RETREG3: variants seen among roughly 807,000 people sequenced by gnomAD.
The protein encoded by RETREG3 is reticulophagy regulator family member 3.
RETREG3 carries 23 observed loss-of-function variants against 50.2 expected under a neutral mutation model. The observed-to-expected ratio is 0.46, with a 90% confidence interval of 0.33 to 0.65. RETREG3 has a LOEUF of 0.65. Among genes scored for constraint, RETREG3 ranks in the 30% least tolerant of loss-of-function variants. The pLI is 0.02. For missense variants in RETREG3, 546 were observed against 598.0 expected (o/e 0.91, Z 0.91); for synonymous variants, 240 against 234.4 (o/e 1.02, Z -0.22).
chr17:42,585,036 T>C (rs1412026268), intron 6 of RETREG3, 89 bp downstream of exon 6: 10 of 1,508,458 alleles, frequency 6.6e-6, no homozygotes, highest in Non-Finnish European at 8.1e-6. Context: ...ACTTCCACTT[T>C]TGAGGACCCA....
chr17:42,597,494 A>ATT (rs1567925183), intron 1 of RETREG3, among the ~76,000 whole-genome samples: 3 of 86,270 alleles, frequency 3.5e-5, no homozygotes, highest in African/African-American at 1.6e-4. Context: ...GCCAGAATCT[A>ATT]TTTTGTGTGT....
In RETREG3 at chr17:42,582,038, G is replaced by A; in HGVS notation, c.1176C>T (p.Asn392=). The change falls in exon 9 of 9, where the codon AAC becomes AAT. Residue 392 remains asparagine (N), a synonymous_variant. Transcript: ENST00000309428. ...CCAGGCTGGCAAGGTTGCTGGTGAG[G>A]TTGGATCCTACAGGAAGAGCACCAA... is the stretch of plus-strand genomic sequence containing the variant. ...LLLGALPVGS[N]LTSNLASLVS... is the part of the protein sequence containing the mutation. 5 of 1,614,144 alleles carry A rather than the reference G, an allele frequency of 3.1e-6. No individual in the cohort carries two copies. Among genetic ancestry groups the A allele is most frequent in the Non-Finnish European group, 4.2e-6 (5 of 1,180,030 alleles).
At position 42,607,445 on chromosome 17, in the gene RETREG3, A is replaced by C. The variant is rs2093169799; in HGVS notation, c.239+1641T>G. On this transcript the variant is annotated intron_variant, in intron 1 of 8. Coordinates refer to ENST00000309428, the MANE Select transcript of RETREG3 (RefSeq NM_178126.4). ...AGCCCAGGAAGTGGAAGTTGCAATGAGCCGAGATCATACCACTGCACTCCA... is the reference window on the plus strand; with the variant it reads ...AGCCCAGGAAGTGGAAGTTGCAATGCGCCGAGATCATACCACTGCACTCCA... Among the ~76,000 whole-genome samples, 4 of 142,136 alleles carry C rather than the reference A, an allele frequency of 2.8e-5. No homozygotes were observed. In the South Asian group the frequency reaches 9.8e-4, roughly 35 times the overall value. The allele number at this position is 142,136 out of a possible 152,430, so 93.2% of individuals were successfully genotyped here.
intron 1 of RETREG3, among the ~76,000 whole-genome samples, chr17:42,604,694 CAAAAAAAAAAAA>C (rs1007735904): frequency 2.2e-5 from 1 of 44,518 alleles, no homozygotes; most frequent in African/African-American, 8.4e-5. Context: ...GATTCCCCAG[CAAAAAAAAAAAA>C]AAAAAAAAAA....
At chr17:42,597,639 T>TGAGACAGAG (rs2093150062) in intron 1 of RETREG3, among the ~76,000 whole-genome samples, 1 of 57,552 alleles carries the variant, frequency 1.7e-5, no homozygotes, top group Non-Finnish European at 3.5e-5. Flanking sequence ...TTTTTTTTTT[T>TGAGACAGAG]TTTTTTTTGA....
At chr17:42,599,904 T>C (rs1018059111) in intron 1 of RETREG3, among the ~76,000 whole-genome samples, 1 of 151,272 alleles carries the variant, frequency 6.6e-6, no homozygotes, top group East Asian at 2.0e-4. Context: ...TGAGGTGGGA[T>C]GACAGCTTGA....
intron 1 of RETREG3, among the ~76,000 whole-genome samples, chr17:42,600,299 C>T (rs1178329254): frequency 6.6e-6 from 1 of 151,930 alleles, no homozygotes; most frequent in Non-Finnish European, 1.5e-5. Flanking sequence ...GGGAGGATTG[C>T]TAGAGCCAGA....
At chr17:42,602,865 G>A (rs2093161054) in intron 1 of RETREG3, among the ~76,000 whole-genome samples, 1 of 152,026 alleles carries the variant, frequency 6.6e-6, no homozygotes, top group African/African-American at 2.4e-5. Context: ...GATGGCTTGA[G>A]CCCAGAGGTT....
In RETREG3 at chr17:42,592,716, C is replaced by T. The variant is rs545023035; in HGVS notation, c.240-554G>A. 7.9e-5 allele frequency among the ~76,000 whole-genome samples: 12 copies of T among 152,292 alleles called. No homozygotes were observed. In the South Asian group the frequency reaches 1.2e-3, roughly 16 times the overall value. ...CCTGTAATCCCAGCACTTTGGGAGG[C>T]TGAGACAGGTGGATCACCTGAGGTC... On this transcript the variant is annotated intron_variant, in intron 1 of 8. Coordinates refer to ENST00000309428, the MANE Select transcript of RETREG3 (RefSeq NM_178126.4).
intron 1 of RETREG3, among the ~76,000 whole-genome samples, chr17:42,598,260 C>T (rs757478484): frequency 3.3e-5 from 5 of 151,934 alleles, no homozygotes; most frequent in Non-Finnish European, 7.4e-5. Context: ...GGATTACAGA[C>T]GTGAGCCACC....
chr17:42,598,228 G>C (rs919484021), intron 1 of RETREG3, among the ~76,000 whole-genome samples: 10 of 151,654 alleles, frequency 6.6e-5, no homozygotes, highest in African/African-American at 2.4e-4. Flanking sequence ...TGATCCACCC[G>C]CCTCAGCCTC....
intron 1 of RETREG3, among the ~76,000 whole-genome samples, chr17:42,594,246 T>G (rs1490146579): frequency 6.6e-6 from 1 of 152,126 alleles, no homozygotes; most frequent in Admixed American, 6.5e-5. Flanking sequence ...GAACAGAATA[T>G]AAATAGCATT....
At chr17:42,583,696 A>G (rs2093115008) in intron 6 of RETREG3, 116 bp from the exon 7 acceptor site, 2 of 859,548 alleles carry the variant, frequency 2.3e-6, no homozygotes, top group African/African-American at 1.7e-5. Context: ...ATCTGGCTCT[A>G]AGCCTACATA....
intron 1 of RETREG3, among the ~76,000 whole-genome samples, chr17:42,599,333 C>T (rs1418263764): frequency 2.6e-5 from 4 of 152,022 alleles, no homozygotes; most frequent in Non-Finnish European, 4.4e-5. Context: ...GTCACAGTAT[C>T]CTTTAGGTGG....
intron 1 of RETREG3, chr17:42,598,635 C>T (rs936684545): frequency 6.6e-6 from 1 of 152,160 alleles, no homozygotes; most frequent in African/African-American, 2.4e-5. Context: ...CCACACCTTT[C>T]GGCCCCATTT....
At position 42,581,889 on chromosome 17, in the gene RETREG3, G is replaced by C. The variant is rs147763292; in HGVS notation, c.1325C>G (p.Ala442Gly). The C allele has an allele frequency of 1.7e-5, 28 of 1,613,806 alleles. No individual in the cohort carries two copies. The African/African-American group carries it at 3.6e-4, about 21-fold the overall frequency. Reference sequence around the variant, plus strand: ...CAGAAGTTCAAAGTCATCCCCCTCAGCATCAGTGTCCAGGTCTGAACTGGG... The same window carrying C: ...CAGAAGTTCAAAGTCATCCCCCTCACCATCAGTGTCCAGGTCTGAACTGGG... ...RSPSSDLDTD[A>G]EGDDFELLDQ... Residue 442 changes from alanine to glycine, a missense_variant, in exon 9 of 9, where the codon GCT (alanine) becomes GGT (glycine). Coordinates refer to ENST00000309428, the MANE Select transcript of RETREG3 (RefSeq NM_178126.4).
rs746004765 is a variant in RETREG3 at position 42,580,526 on chromosome 17, A to G, written c.*1287T>C. 6.5e-6 allele frequency: 1 copy of G among 152,748 alleles called. No individual in the cohort carries two copies. Among genetic ancestry groups the G allele is most frequent in the Non-Finnish European group, 1.5e-5 (1 of 68,078 alleles). The allele number at this position is 152,748 out of a possible 1,614,324, so 9.5% of individuals were successfully genotyped here. ...AACTACACAGCTCCAGAAGACTCAG[A>G]CCTCAAAATACAGAGGTGCTCACTA... On this transcript the variant is annotated 3_prime_UTR_variant, in exon 9 of 9. Transcript: ENST00000309428.
chr17:42,586,466 A>C (rs2093121438), intron 4 of RETREG3: 1 of 418,418 alleles, frequency 2.4e-6, no homozygotes, highest in South Asian at 3.4e-5. Context: ...CCAAAAAAAC[A>C]CAACAACCTA....
chr17:42,601,735 G>A (rs952939546), intron 1 of RETREG3, among the ~76,000 whole-genome samples: 1 of 142,786 alleles, frequency 7.0e-6, no homozygotes, highest in African/African-American at 2.6e-5. Context: ...CAGGTTCAAC[G>A]GATTCTCCTG....
Sources: gnomAD v4.1 joint callset for allele counts (sites outside exome capture counted in the v4.1 genomes callset) on GRCh38, gnomAD v4.1.1 for gene constraint, MANE v1.5 for transcripts, NCBI Gene and HGNC (gene_info 2026-07-23, HGNC 2026-07-21) for gene names.